TAF1: variants seen among roughly 807,000 people sequenced by gnomAD.
TAF1 encodes TATA-box binding protein associated factor 1, also known as transcription initiation factor TFIID subunit 1.
A neutral mutation model predicts 138.5 loss-of-function variants in TAF1; 2 were observed. The observed-to-expected ratio is 0.01, with a 90% confidence interval of 0.01 to 0.05. The LOEUF (loss-of-function observed/expected upper bound fraction) is 0.05. Among genes scored for constraint, TAF1 ranks in the 10% least tolerant of loss-of-function variants. The pLI, the probability that TAF1 is intolerant of heterozygous loss-of-function variation, is 1.00. For synonymous variants in TAF1, 437 were observed against 503.2 expected (o/e 0.87, Z 1.76); for missense variants, 709 against 1,478.0 (o/e 0.48, Z 8.53).
chrX:71,390,503 T>G (rs2034495237), intron 18 of TAF1, among the ~76,000 whole-genome samples: 2 of 111,708 alleles, frequency 1.8e-5, no homozygotes, highest in African/African-American at 6.5e-5. Context: ...CCTTTCATTA[T>G]GTACATATAG....
Position 71,423,215 on chromosome X carries a change from C to A in TAF1, c.4551C>A (p.Thr1517=). Residue 1517 remains threonine, a synonymous_variant, in exon 30 of 38, where the codon ACC becomes ACA. Transcript: ENST00000423759. ...CTTTCATTCTGGACAACATTGTCAC[C>A]CAGAAAATGATGGCAGTTCCAGATG... ...AFSFILDNIV[T]QKMMAVPDSW... The A allele has an allele frequency of 8.3e-7, 1 of 1,211,455 alleles. No individual in the cohort carries two copies. Among genetic ancestry groups the A allele is most frequent in the East Asian group, 3.0e-5 (1 of 33,828 alleles).
chrX:71,423,001 C>G, intron 29 of TAF1, 116 bp from the exon 30 acceptor site: 1 of 1,021,515 alleles, frequency 9.8e-7, no homozygotes, highest in Non-Finnish European at 1.3e-6. Flanking sequence ...CTCAGCCTCC[C>G]AAAGTGCTGG....
chrX:71,370,742 C>T (rs999345188), intron 3 of TAF1, among the ~76,000 whole-genome samples: 6 of 111,821 alleles, frequency 5.4e-5, no homozygotes, highest in African/African-American at 1.9e-4. Flanking sequence ...TAGATAAAAC[C>T]TTGGTAAATA....
chrX:71,413,312 A>G (rs1306312205), intron 28 of TAF1, among the ~76,000 whole-genome samples: 2 of 111,826 alleles, frequency 1.8e-5, no homozygotes, highest in East Asian at 2.8e-4. Context: ...CCAGCAGTGT[A>G]TAAGGGTTCC....
At chrX:71,417,482 G>A (rs923690719) in intron 28 of TAF1, among the ~76,000 whole-genome samples, 2 of 110,317 alleles carry the variant, frequency 1.8e-5, no homozygotes, top group East Asian at 2.8e-4. Flanking sequence ...TCAGCCTCCC[G>A]AGTAGCTGGG....
At position 71,464,940 on chromosome X, in the gene TAF1, GATA is replaced by G. The variant is rs1441570124; in HGVS notation, c.*897_*899del. The G allele has an allele frequency of 9.0e-6, 1 of 111,570 alleles. No homozygotes were observed. Among genetic ancestry groups the G allele is most frequent in the African/African-American group, 3.3e-5 (1 of 30,686 alleles). 9.2% of individuals were successfully genotyped at this position (111,570 alleles called of 1,213,427 possible). A position where few individuals can be genotyped will look rare whatever the true frequency, so the allele number is the denominator to read the frequency against. ...TTGAAACAGCCTATATGTCAGAAAT[GATA>G]ATGTTGCCACCTAAATGTTTTCTGT... On this transcript the variant is annotated 3_prime_UTR_variant, in exon 38 of 38. Transcript: ENST00000423759.
chrX:71,456,704 T>G lies in TAF1; in HGVS notation c.4939-1537T>G, dbSNP rs775752605. ...TTTTTTTTTTTTTTGAGACCGAGTT[T>G]TGCTCTTGTCACCCAGGCTGGAGTG... On this transcript the variant is annotated intron_variant, in intron 34 of 37. Transcript: ENST00000423759. 1.3e-4 allele frequency among the ~76,000 whole-genome samples: 11 copies of G among 84,762 alleles called. No individual in the cohort carries two copies. In the South Asian group the frequency reaches 6.1e-3, roughly 47 times the overall value. 73.6% of individuals were successfully genotyped at this position (84,762 alleles called of 115,157 possible).
chrX:71,475,370 G>GA (rs1400545400), intron 13 of TAF1, among the ~76,000 whole-genome samples: 1 of 110,418 alleles, frequency 9.1e-6, no homozygotes, highest in Non-Finnish European at 1.9e-5. Context: ...CGGATCACGA[G>GA]ATCAGGAGTT....
At chrX:71,427,736 T>C (rs1274795347) in intron 32 of TAF1, among the ~76,000 whole-genome samples, 1 of 110,420 alleles carries the variant, frequency 9.1e-6, no homozygotes, top group African/African-American at 3.3e-5. Context: ...GTCGGCAGTT[T>C]GAGATCAGCC....
chrX:71,435,234 C>T (rs2037082364), intron 32 of TAF1, among the ~76,000 whole-genome samples: 1 of 112,001 alleles, frequency 8.9e-6, no homozygotes, highest in Non-Finnish European at 1.9e-5. Flanking sequence ...TATAAATTTA[C>T]AAAGAAAAAC....
intron 13 of TAF1, among the ~76,000 whole-genome samples, chrX:71,471,346 TACACAC>T (rs1189459686): frequency 1.0e-5 from 1 of 95,671 alleles, no homozygotes; most frequent in Non-Finnish European, 2.1e-5. Context: ...TATATATATA[TACACAC>T]ACACACACAC....
intron 13 of TAF1, among the ~76,000 whole-genome samples, chrX:71,475,082 G>C (rs1384663104): frequency 2.7e-5 from 3 of 111,407 alleles, no homozygotes; most frequent in Non-Finnish European, 5.6e-5. Context: ...AGATGGTAAT[G>C]AATTAAGTGT....
chrX:71,393,158 T>G, intron 20 of TAF1, 143 bp from the exon 21 acceptor site: 1 of 1,058,852 alleles, frequency 9.4e-7, no homozygotes, highest in Non-Finnish European at 1.3e-6. Context: ...TAATCTGCTT[T>G]GGGGTGATTT....
chrX:71,395,774 T>G (rs1190643098), intron 22 of TAF1, among the ~76,000 whole-genome samples: 2 of 111,561 alleles, frequency 1.8e-5, no homozygotes, highest in African/African-American at 3.3e-5. Flanking sequence ...CATCTATGTT[T>G]TCTAGTATAG....
intron 28 of TAF1, chrX:71,414,141 T>C (rs2035933623): frequency 1.2e-5 from 1 of 84,755 alleles, no homozygotes; most frequent in Non-Finnish European, 2.3e-5. Flanking sequence ...CAGAGATGCT[T>C]GGTTAATGTA....
Position 71,464,163 on chromosome X carries a change from A to G in TAF1, c.*117A>G. ...GATCCTGAAATCATGAAATTAACTA[A>G]CACCTTAGCCTTTTTAAAAGTAGTA... On this transcript the variant is annotated 3_prime_UTR_variant, in exon 38 of 38. Transcript: ENST00000423759. 3.1e-6 allele frequency: 2 copies of G among 646,693 alleles called. No individual in the cohort carries two copies. Among genetic ancestry groups the G allele is most frequent in the Non-Finnish European group, 4.7e-6 (2 of 425,068 alleles). 53.3% of individuals were successfully genotyped at this position (646,693 alleles called of 1,213,427 possible).
intron 13 of TAF1, among the ~76,000 whole-genome samples, chrX:71,500,861 G>C (rs978362193): frequency 9.2e-6 from 1 of 109,288 alleles, no homozygotes; most frequent in African/African-American, 3.3e-5. Context: ...TCAGGAGTTC[G>C]AGATCAGCCT....
intron 36 of TAF1, 89 bp downstream of exon 36, chrX:71,459,797 T>G: frequency 1.7e-6 from 2 of 1,156,517 alleles, no homozygotes; most frequent in Non-Finnish European, 2.3e-6. Flanking sequence ...CCACATATGC[T>G]TTTATTGGAA....
intron 32 of TAF1, among the ~76,000 whole-genome samples, chrX:71,433,925 C>G (rs764216893): frequency 1.6e-4 from 18 of 111,656 alleles, no homozygotes; most frequent in African/African-American, 4.9e-4. Flanking sequence ...GAAATGGTGA[C>G]ATCTAGAAAG....
Sources: allele counts gnomAD v4.1 joint callset (sites outside exome capture counted in the v4.1 genomes callset), GRCh38; gene constraint gnomAD v4.1.1; transcripts MANE v1.5; gene names NCBI Gene and HGNC (gene_info 2026-07-23, HGNC 2026-07-21).